KANSL1: variants seen among roughly 807,000 people sequenced by gnomAD.
KANSL1 encodes the protein MLL1/MLL complex subunit KANSL1.
KANSL1 carries 22 observed loss-of-function variants against 103.6 expected under a neutral mutation model. The observed-to-expected ratio is 0.21, with a 90% CI of 0.15 to 0.30. The LOEUF (loss-of-function observed/expected upper bound fraction) is 0.30, where lower values mean the gene tolerates loss of function less well. Ranked by LOEUF, KANSL1 falls within the 10% of genes least tolerant of loss-of-function variation. KANSL1 has a pLI of 1.00. For missense variants in KANSL1, 1,337 were observed against 1,399.8 expected, an observed-to-expected ratio of 0.96 and a Z score of 0.72; for synonymous variants, 600 against 527.6, an observed-to-expected ratio of 1.14 and a Z score of -1.88.
chr17:46,096,311 C>CTTTCTTTCTTTCT (rs753073992), intron 2 of KANSL1, among the ~76,000 whole-genome samples: 100 of 76,224 alleles, frequency 1.3e-3, no homozygotes, highest in Admixed American at 2.3e-3. Context: ...GCTTTTTTTT[C>CTTTCTTTCTTTCT]TTTTTTTTTT....
intron 1 of KANSL1, among the ~76,000 whole-genome samples, chr17:46,185,692 TACACACACACACACACACACACAC>T (rs58833932): frequency 6.9e-6 from 1 of 144,312 alleles, no homozygotes; most frequent in Non-Finnish European, 1.5e-5. Context: ...CACACATATA[TACACACACACACACACACACACAC>T]ACACACACAC....
intron 6 of KANSL1, among the ~76,000 whole-genome samples, chr17:46,058,741 A>ACTCT (rs1286306364): frequency 6.8e-4 from 50 of 73,574 alleles, no homozygotes; most frequent in African/African-American, 2.3e-3. Flanking sequence ...ACACACACAC[A>ACTCT]CACTCTCTCT....
intron 3 of KANSL1, among the ~76,000 whole-genome samples, chr17:46,090,196 T>C (rs78620080): frequency 0.047 from 7,200 of 152,196 alleles, 901 homozygotes; most frequent in East Asian, 0.42. Flanking sequence ...CACCAAGGAC[T>C]AGCACAATAT....
intron 7 of KANSL1, among the ~76,000 whole-genome samples, chr17:46,047,471 A>G (rs62063671): frequency 0.14 from 21,790 of 152,214 alleles, 2,122 homozygotes; most frequent in Non-Finnish European, 0.22. Flanking sequence ...AAAGCCTAAG[A>G]TATTTACCAT....
intron 1 of KANSL1, among the ~76,000 whole-genome samples, chr17:46,210,915 C>T (rs2532419): frequency 0.11 from 17,162 of 149,990 alleles, no homozygotes; most frequent in Non-Finnish European, 0.17. Flanking sequence ...CTAAGCAGTT[C>T]CCGTGTAGAC....
chr17:46,051,664 C>T (rs1278583627), intron 6 of KANSL1, among the ~76,000 whole-genome samples: 3 of 152,190 alleles, frequency 2.0e-5, no homozygotes, highest in African/African-American at 7.2e-5. Context: ...GAAAAAGAAA[C>T]TTGCATGTTG....
chr17:46,172,547 A>G (rs2046339681), intron 1 of KANSL1, among the ~76,000 whole-genome samples: 2 of 152,094 alleles, frequency 1.3e-5, no homozygotes, highest in South Asian at 4.1e-4. Context: ...ATCTCCATTA[A>G]AAAAAAATCT....
intron 1 of KANSL1, among the ~76,000 whole-genome samples, chr17:46,202,092 G>A (rs979206136): frequency 6.6e-6 from 1 of 151,876 alleles, no homozygotes; most frequent in African/African-American, 2.4e-5. Flanking sequence ...GCAGGAGAAT[G>A]ACTTGAGCCC....
At position 46,096,782 on chromosome 17, in the gene KANSL1, C is replaced by G. The variant is rs148682999; in HGVS notation, c.1290-2081G>C. ...TACAGGCGCCCACCACCACGCCTGG[C>G]TAATTTTTGTATTTTTAGTAGAGAC... On this transcript the variant is annotated intron_variant, in intron 2 of 14. Coordinates refer to ENST00000432791, the MANE Select transcript of KANSL1 (RefSeq NM_015443.4). 5.3e-3 allele frequency among the ~76,000 whole-genome samples: 811 copies of G among 152,048 alleles called. 5 individuals carry two copies. Among genetic ancestry groups the G allele is most frequent in the African/African-American group, 0.019 (783 of 41,422 alleles).
intron 2 of KANSL1, among the ~76,000 whole-genome samples, chr17:46,159,184 A>G (rs1284569125): frequency 6.6e-6 from 1 of 152,236 alleles, no homozygotes; most frequent in Non-Finnish European, 1.5e-5. Context: ...CAGCAAAGCA[A>G]AAGGCCTGCC....
At chr17:46,107,858 T>C in intron 2 of KANSL1, among the ~76,000 whole-genome samples, 1 of 152,324 alleles carries the variant, frequency 6.6e-6, no homozygotes, top group South Asian at 2.1e-4. Context: ...AACCTCCATG[T>C]AATCCTTAAT....
chr17:46,101,187 T>C (rs2042298802), intron 2 of KANSL1, among the ~76,000 whole-genome samples: 1 of 152,134 alleles, frequency 6.6e-6, no homozygotes, highest in African/African-American at 2.4e-5. Flanking sequence ...AGGGTCACTG[T>C]GGGGCAGGAA....
intron 1 of KANSL1, among the ~76,000 whole-genome samples, chr17:46,192,007 TG>T (rs1342762972): frequency 2.8e-5 from 2 of 71,700 alleles, no homozygotes; most frequent in South Asian, 4.7e-4. Context: ...TAAAGGGGGG[TG>T]GGGGGGACCG....
chr17:46,172,477 T>C (rs1403816902), intron 1 of KANSL1, among the ~76,000 whole-genome samples: 1 of 152,210 alleles, frequency 6.6e-6, no homozygotes, highest in Non-Finnish European at 1.5e-5. Context: ...TACCACAGAT[T>C]GAAAGGTGCC....
chr17:46,042,921 A>C (rs910745872), intron 7 of KANSL1: 1 of 152,136 alleles, frequency 6.6e-6, no homozygotes, highest in African/African-American at 2.4e-5. Flanking sequence ...TAATGAAAAC[A>C]AACATTTGCT....
chr17:46,080,471 A>G (rs766245092), intron 4 of KANSL1, among the ~76,000 whole-genome samples: 10 of 151,944 alleles, frequency 6.6e-5, no homozygotes, highest in Non-Finnish European at 1.3e-4. Flanking sequence ...CAAAACTGAG[A>G]AAAGTCACTT....
At chr17:46,124,066 T>C (rs2043403571) in intron 2 of KANSL1, among the ~76,000 whole-genome samples, 1 of 152,158 alleles carries the variant, frequency 6.6e-6, no homozygotes, top group African/African-American at 2.4e-5. Flanking sequence ...TGAAGGCCAA[T>C]GCTCCTTGAC....
chr17:46,105,841 A>AG (rs1463641529), intron 2 of KANSL1, among the ~76,000 whole-genome samples: 2 of 150,948 alleles, frequency 1.3e-5, no homozygotes, highest in Non-Finnish European at 2.9e-5. Context: ...ACTGTACTCC[A>AG]GCCTGGGCAG....
intron 2 of KANSL1, among the ~76,000 whole-genome samples, chr17:46,151,343 A>G (rs1229983189): frequency 6.6e-6 from 1 of 152,018 alleles, no homozygotes; most frequent in African/African-American, 2.4e-5. Context: ...TGTTCTCTAC[A>G]CCTTGAATGC....
Sources: allele counts gnomAD v4.1 joint callset (sites outside exome capture counted in the v4.1 genomes callset), GRCh38; gene constraint gnomAD v4.1.1; transcripts MANE v1.5; gene names NCBI Gene and HGNC (gene_info 2026-07-23, HGNC 2026-07-21).